The following CTTNBP2NL variants were observed in gnomAD, a reference collection of about 807,000 sequenced individuals.
The protein encoded by CTTNBP2NL is CTTNBP2 N-terminal like, also known as CTTNBP2 N-terminal-like protein.
In CTTNBP2NL, 16 loss-of-function variants were observed where a neutral mutation model predicts 32.5. The observed-to-expected ratio is 0.49, with a 90% CI of 0.33 to 0.75. The LOEUF (loss-of-function observed/expected upper bound fraction) is 0.75, where lower values mean the gene tolerates loss of function less well. CTTNBP2NL is among the 30% of genes least tolerant of loss of function. The pLI is 0.02. For synonymous variants in CTTNBP2NL, 298 were observed against 289.4 expected, an observed-to-expected ratio of 1.03 and a Z score of -0.30; for missense variants, 645 against 756.0, an observed-to-expected ratio of 0.85 and a Z score of 1.72.
intron 4 of CTTNBP2NL, among the ~76,000 whole-genome samples, chr1:112,453,306 T>G (rs1341565601): frequency 2.0e-5 from 3 of 152,082 alleles, no homozygotes; most frequent in Non-Finnish European, 4.4e-5. Context: ...TCATAAAAAT[T>G]TTTAGTGAGA....
At chr1:112,416,739 C>G (rs149524752) in intron 3 of CTTNBP2NL, among the ~76,000 whole-genome samples, 2 of 152,160 alleles carry the variant, frequency 1.3e-5, no homozygotes, top group Admixed American at 6.5e-5. Flanking sequence ...GATCCGCCCC[C>G]GCTTAGCCTC....
chr1:112,398,479 G>C (rs534686607), intron 1 of CTTNBP2NL, among the ~76,000 whole-genome samples: 83 of 152,138 alleles, frequency 5.5e-4, no homozygotes, highest in Non-Finnish European at 1.1e-3. Context: ...GTTTAACTTA[G>C]TTTGAGGCTG....
rs201748043 is a variant in CTTNBP2NL at position 112,457,335 on chromosome 1, C to T, written c.1843C>T (p.Leu615Phe). Reference sequence around the variant, plus strand: ...AGCCTCTTTGACCACTGCAGAAGACCTTGCCAGCAGCTGCTCTTCCAATAC... The same window carrying T: ...AGCCTCTTTGACCACTGCAGAAGACTTTGCCAGCAGCTGCTCTTCCAATAC... ...QAASLTTAED[L>F]ASSCSSNTVV... Residue 615 changes from leucine to phenylalanine, a missense_variant, in exon 6 of 6, where the codon CTT becomes TTT. Physicochemically the swap from Leu to Phe is conservative, Grantham distance 22. Transcript: ENST00000271277. The T allele has an allele frequency of 8.7e-6, 14 of 1,614,180 alleles. No homozygotes were observed. The highest frequency in any genetic ancestry group is 1.2e-5 in the Non-Finnish European group (14 of 1,180,022).
At chr1:112,434,166 G>T (rs1333370412) in intron 3 of CTTNBP2NL, among the ~76,000 whole-genome samples, 1 of 152,166 alleles carries the variant, frequency 6.6e-6, no homozygotes, top group African/African-American at 2.4e-5. Context: ...CTCAGTGGGT[G>T]ATTTCATCAG....
At chr1:112,423,022 C>A (rs1649275756) in intron 3 of CTTNBP2NL, among the ~76,000 whole-genome samples, 1 of 152,262 alleles carries the variant, frequency 6.6e-6, no homozygotes, top group African/African-American at 2.4e-5. Flanking sequence ...TCAAACTCCT[C>A]ACCCTAAACG....
upstream of CTTNBP2NL, among the ~76,000 whole-genome samples, chr1:112,395,501 G>T (rs145036314): frequency 5.1e-3 from 770 of 152,272 alleles, 6 homozygotes; most frequent in African/African-American, 0.018. Context: ...ATATAATGAG[G>T]CCAAGGAAAG....
rs34842059 is a variant in CTTNBP2NL, at chr1:112,452,645, C to CTTTTTTTTTTTTTT, written c.331-1791_331-1790insTTTTTTTTTTTTTT. Among the ~76,000 whole-genome samples, 596 of 132,980 alleles carry CTTTTTTTTTTTTTT rather than the reference C, an allele frequency of 4.5e-3. 24 individuals are homozygous for CTTTTTTTTTTTTTT. Among genetic ancestry groups the CTTTTTTTTTTTTTT allele is most frequent in the African/African-American group, 0.018 (577 of 32,108 alleles). The allele number at this position is 132,980 out of a possible 152,430, so 87.2% of individuals were successfully genotyped here. ...AGGCATGAGCCACCACTCCTGGCCT[C>CTTTTTTTTTTTTTT]TTTTTTTTTTTTTGAGACAAAGTCT... is the stretch of plus-strand genomic sequence containing the variant. On this transcript the variant is annotated intron_variant, in intron 4 of 5. Transcript: ENST00000271277.
intron 1 of CTTNBP2NL, among the ~76,000 whole-genome samples, chr1:112,397,232 A>G (rs1648358335): frequency 6.6e-6 from 1 of 152,198 alleles, no homozygotes; most frequent in African/African-American, 2.4e-5. Context: ...GTAGCAGTGG[A>G]TTAGGAATGA....
chr1:112,436,681 A>C (rs1435308444), intron 3 of CTTNBP2NL, among the ~76,000 whole-genome samples: 1 of 151,396 alleles, frequency 6.6e-6, no homozygotes, highest in Non-Finnish European at 1.5e-5. Flanking sequence ...CTTTTATTTT[A>C]AGTTCAGGGG....
Position 112,427,765 on chromosome 1 carries a change from A to G in CTTNBP2NL, c.99+11501A>G, listed in dbSNP as rs547058392. 7.2e-5 allele frequency among the ~76,000 whole-genome samples: 11 copies of G among 152,144 alleles called. No homozygotes were observed. In the East Asian group the frequency reaches 7.8e-4, roughly 11 times the overall value. ...AAAAAAATTAGCCAGACATGGTGGCATGCACCTGTAGTCCCAGCTACTTGG... is the reference window on the plus strand; with the variant it reads ...AAAAAAATTAGCCAGACATGGTGGCGTGCACCTGTAGTCCCAGCTACTTGG... On this transcript the variant is annotated intron_variant, in intron 3 of 5. Transcript: ENST00000271277.
At chr1:112,441,585 C>T (rs988411206) in intron 3 of CTTNBP2NL, among the ~76,000 whole-genome samples, 3 of 152,138 alleles carry the variant, frequency 2.0e-5, no homozygotes, top group African/African-American at 7.2e-5. Flanking sequence ...AGTAGAATTA[C>T]AGGTAGGATT....
rs1650515604 is a variant in CTTNBP2NL, at chr1:112,460,371, A to C, written c.*2959A>C. The stretch of plus-strand genomic sequence containing the variant: ...AACAAATGAAGTCAATGACCCATCC[A>C]GGTTAGACTCCATAAGGAACTAAGA... On this transcript the variant is annotated 3_prime_UTR_variant, in exon 6 of 6. Coordinates refer to ENST00000271277, the MANE Select transcript of CTTNBP2NL (RefSeq NM_018704.3). 6.6e-6 allele frequency: 1 copy of C among 152,224 alleles called. No homozygotes were observed. The highest frequency in any genetic ancestry group is 2.4e-5 in the African/African-American group (1 of 41,460). The allele number at this position is 152,224 out of a possible 1,614,324, so 9.4% of individuals were successfully genotyped here.
At chr1:112,428,224 C>T (rs1649461511) in intron 3 of CTTNBP2NL, among the ~76,000 whole-genome samples, 1 of 152,088 alleles carries the variant, frequency 6.6e-6, no homozygotes, top group Non-Finnish European at 1.5e-5. Context: ...TTCTTCAGAA[C>T]TTCTGCTTTA....
At chr1:112,412,634 T>TG (rs1296353420) in intron 2 of CTTNBP2NL, among the ~76,000 whole-genome samples, 2 of 144,122 alleles carry the variant, frequency 1.4e-5, no homozygotes, top group Non-Finnish European at 3.0e-5. Flanking sequence ...TTTTTTTTTT[T>TG]GACACAGAGT....
chr1:112,415,645 C>T (rs1490008457), intron 2 of CTTNBP2NL, among the ~76,000 whole-genome samples: 7 of 151,816 alleles, frequency 4.6e-5, no homozygotes. Flanking sequence ...CAATCTTTGC[C>T]TCCCGCGTTC....
Position 112,457,518 on chromosome 1 carries a change from C to A in CTTNBP2NL, c.*106C>A. 1.0e-6 allele frequency: 1 copy of A among 977,916 alleles called. No homozygotes were observed. Among genetic ancestry groups the A allele is most frequent in the Non-Finnish European group, 1.5e-6 (1 of 651,608 alleles). The allele number at this position is 977,916 out of a possible 1,614,324, so 60.6% of individuals were successfully genotyped here. On this transcript the variant is annotated 3_prime_UTR_variant, in exon 6 of 6. Coordinates refer to ENST00000271277, the MANE Select transcript of CTTNBP2NL (RefSeq NM_018704.3). ...TTATTTATTTTGATAGTAGCTGAAACCATCTGTATAATACATTTAGTATAT... is the reference window on the plus strand; with the variant it reads ...TTATTTATTTTGATAGTAGCTGAAAACATCTGTATAATACATTTAGTATAT...
In CTTNBP2NL at chr1:112,416,294, A is replaced by G. The variant is rs375769222; in HGVS notation, c.99+30A>G. 2.2e-5 allele frequency: 24 copies of G among 1,067,888 alleles called. No individual in the cohort carries two copies. In the South Asian group the frequency reaches 3.1e-4, roughly 14 times the overall value. 66.2% of individuals were successfully genotyped at this position (1,067,888 alleles called of 1,614,324 possible). A position where few individuals can be genotyped will look rare whatever the true frequency, so the allele number is the denominator to read the frequency against. On this transcript the variant is annotated intron_variant, in intron 3 of 5. Coordinates refer to ENST00000271277, the MANE Select transcript of CTTNBP2NL (RefSeq NM_018704.3). ...GTTAAAAGAAAAAAAAAAAGAGGTC[A>G]TCATACATTGTGAAAGTCATTCATT...
intron 5 of CTTNBP2NL, among the ~76,000 whole-genome samples, chr1:112,454,812 T>C (rs1056913828): frequency 1.3e-5 from 2 of 152,212 alleles, no homozygotes; most frequent in Non-Finnish European, 2.9e-5. Flanking sequence ...ATAAAATCTT[T>C]TATTGGCATA....
rs866846328 is a variant in CTTNBP2NL, at chr1:112,459,783, A to C, written c.*2371A>C. On this transcript the variant is annotated 3_prime_UTR_variant, in exon 6 of 6. Coordinates refer to ENST00000271277, the MANE Select transcript of CTTNBP2NL (RefSeq NM_018704.3). The stretch of plus-strand genomic sequence containing the variant: ...TTTAAATGGTAATCTTAAAAGTTGC[A>C]TTGTGCTCTTCCTTTGTTTTGGGAT... The C allele has an allele frequency of 2.0e-5, 3 of 152,216 alleles. No individual in the cohort carries two copies. The highest frequency in any genetic ancestry group is 1.3e-4 in the Admixed American group (2 of 15,282). The allele number at this position is 152,216 out of a possible 1,614,324, so 9.4% of individuals were successfully genotyped here.
Sources: allele counts gnomAD v4.1 joint callset (sites outside exome capture counted in the v4.1 genomes callset), GRCh38; gene constraint gnomAD v4.1.1; transcripts MANE v1.5; gene names NCBI Gene and HGNC (gene_info 2026-07-23, HGNC 2026-07-21).